The following CACNA1C variants were observed in gnomAD, a reference collection of about 807,000 sequenced individuals.
CACNA1C encodes the protein voltage-dependent L-type calcium channel subunit alpha-1C.
In CACNA1C, 30 loss-of-function variants were observed where a neutral mutation model predicts 229.0. The ratio of observed to expected loss-of-function variants is 0.13; its 90% confidence interval spans 0.10 to 0.18. CACNA1C has a LOEUF of 0.18. Among genes scored for constraint, CACNA1C ranks in the 10% least tolerant of loss-of-function variants. CACNA1C has a pLI of 1.00. For synonymous variants in CACNA1C, 1,114 were observed against 1,132.5 expected (o/e 0.98, Z 0.33); for missense variants, 1,658 against 2,845.0 (o/e 0.58, Z 9.49).
intron 22 of CACNA1C, among the ~76,000 whole-genome samples, chr12:2,604,857 A>C (rs1025513953): frequency 6.6e-6 from 1 of 152,138 alleles, no homozygotes; most frequent in African/African-American, 2.4e-5. Flanking sequence ...CATATTATTT[A>C]GTCACCCACA....
chr12:1,973,376 A>C (rs2033167559), intron 1 of CACNA1C, among the ~76,000 whole-genome samples: 1 of 152,222 alleles, frequency 6.6e-6, no homozygotes, highest in South Asian at 2.1e-4. Context: ...TAAATAAATT[A>C]ATGTTATTAG....
chr12:2,314,427 C>T (rs1034516911), intron 3 of CACNA1C, among the ~76,000 whole-genome samples: 7 of 152,166 alleles, frequency 4.6e-5, no homozygotes, highest in South Asian at 2.1e-4. Flanking sequence ...ATTCTCACCT[C>T]GTGCACACGG....
chr12:2,370,049 A>G (rs2097821766), intron 3 of CACNA1C, among the ~76,000 whole-genome samples: 1 of 152,230 alleles, frequency 6.6e-6, no homozygotes, highest in Admixed American at 6.5e-5. Flanking sequence ...CCATTAGAAA[A>G]TTTGGCAAAG....
chr12:2,537,039 C>T (rs2099857451), intron 9 of CACNA1C, among the ~76,000 whole-genome samples: 1 of 152,196 alleles, frequency 6.6e-6, no homozygotes, highest in Non-Finnish European at 1.5e-5. Flanking sequence ...ACGCTGCCTG[C>T]TGACTGCTTC....
At position 2,253,896 on chromosome 12, in the gene CACNA1C, G is replaced by A. The variant is rs1435200072; in HGVS notation, c.477+133466G>A. ...TCTGTCTCACATGCCTGATTTATGG[G>A]ATCACTGGAGAGAGAAAACTTTGAA... On this transcript the variant is annotated intron_variant, in intron 3 of 46. Transcript: ENST00000399655. Among the ~76,000 whole-genome samples the A allele has an allele frequency of 2.0e-5, 3 of 152,160 alleles. No individual in the cohort carries two copies. The East Asian group carries it at 5.8e-4, about 29-fold the overall frequency.
intron 18 of CACNA1C, among the ~76,000 whole-genome samples, chr12:2,586,242 A>G (rs2153233070): frequency 6.6e-6 from 1 of 152,258 alleles, no homozygotes; most frequent in South Asian, 2.1e-4. Flanking sequence ...ATATGTTGCA[A>G]CATTATGCTC....
intron 3 of CACNA1C, among the ~76,000 whole-genome samples, chr12:2,415,843 G>A (rs1386356392): frequency 1.3e-5 from 2 of 152,152 alleles, no homozygotes; most frequent in Admixed American, 6.5e-5. Context: ...TCCAAGTGTG[G>A]TCAACCTGCC....
rs144157195 is a variant in CACNA1C at position 2,179,919 on chromosome 12, A to G, written c.477+59489A>G. Among the ~76,000 whole-genome samples, 300 of 152,312 alleles carry G rather than the reference A, an allele frequency of 2.0e-3. 1 individual carries two copies. Among genetic ancestry groups the G allele is most frequent in the African/African-American group, 6.8e-3 (282 of 41,564 alleles). Reference sequence around the variant, plus strand: ...TCTACCATGCTCTTTCTCTGCTTCAAATGAAATTTTGATCATTTCTCTTCA... The same window carrying G: ...TCTACCATGCTCTTTCTCTGCTTCAGATGAAATTTTGATCATTTCTCTTCA... On this transcript the variant is annotated intron_variant, in intron 3 of 46. Coordinates refer to ENST00000399655, the MANE Select transcript of CACNA1C (RefSeq NM_000719.7).
Position 2,486,472 on chromosome 12 carries a change from C to G in CACNA1C, c.916+210C>G, listed in dbSNP as rs1012987867. Among the ~76,000 whole-genome samples, 6 of 152,224 alleles carry G rather than the reference C, an allele frequency of 3.9e-5. No homozygotes were observed. Among genetic ancestry groups the G allele is most frequent in the African/African-American group, 1.4e-4 (6 of 41,458 alleles). ...TTGTTTTAATCTCTGTTAAACCGGCCTAACGCAAACTTCGTTCAGCACTTT... is the reference window on the plus strand; with the variant it reads ...TTGTTTTAATCTCTGTTAAACCGGCGTAACGCAAACTTCGTTCAGCACTTT... On this transcript the variant is annotated intron_variant, in intron 6 of 46. Transcript: ENST00000399655. This position sits in a 1 kb window ranked among gnomAD's most constrained non-coding sequence, Gnocchi z 4.9.
rs751179685 is a variant in CACNA1C, at chr12:2,004,612, G to A, written c.139+33411G>A. Reference sequence around the variant, plus strand: ...AGACGCAAGGCCTCACTAATCGATGGCCGCGCCCCGCCCACTGAGGATCGT... The same window carrying A: ...AGACGCAAGGCCTCACTAATCGATGACCGCGCCCCGCCCACTGAGGATCGT... On this transcript the variant is annotated intron_variant, in intron 1 of 46. Coordinates refer to the CACNA1C transcript ENST00000682462. 835 of 812,732 alleles carry A rather than the reference G, an allele frequency of 1.0e-3. 1 individual carries two copies. Among genetic ancestry groups the A allele is most frequent in the Non-Finnish European group, 1.4e-3 (766 of 537,470 alleles). The allele number at this position is 812,732 out of a possible 1,614,324, so 50.3% of individuals were successfully genotyped here.
intron 29 of CACNA1C, among the ~76,000 whole-genome samples, chr12:2,623,194 A>G (rs895800131): frequency 6.6e-6 from 1 of 152,192 alleles, no homozygotes; most frequent in African/African-American, 2.4e-5. Context: ...GATGAAAGGA[A>G]AGTGGCTGTG....
rs1404975281 is a variant in CACNA1C at position 2,585,461 on chromosome 12, A to G, written c.2425A>G (p.Ile809Val). Reference sequence around the variant, plus strand: ...GGAGGAGAAGATTGAGCTGAAATCCATCACGGCTGACGGAGAGTCTCCACC... The same window carrying G: ...GGAGGAGAAGATTGAGCTGAAATCCGTCACGGCTGACGGAGAGTCTCCACC... ...SKEEKIELKS[I>V]TADGESPPAT... The change falls in exon 17 of 47, where the codon ATC (isoleucine) becomes GTC (valine). Residue 809 changes from isoleucine (I) to valine (V), a missense_variant. Ile to Val is a conservative substitution (Grantham distance 29, BLOSUM62 3). Transcript: ENST00000399655. This position sits in a 1 kb window ranked among gnomAD's most constrained non-coding sequence, Gnocchi z 4.1. 6.9e-6 allele frequency: 11 copies of G among 1,583,688 alleles called. No homozygotes were observed. The South Asian group carries it at 8.0e-5, about 12-fold the overall frequency.
chr12:2,526,308 C>A (rs1009226195), intron 9 of CACNA1C, among the ~76,000 whole-genome samples: 16 of 152,230 alleles, frequency 1.1e-4, no homozygotes, highest in African/African-American at 3.6e-4. Context: ...GGCCCAAAGA[C>A]AAGTGTCTGT....
At chr12:2,643,750 G>A (rs2094011506) in intron 30 of CACNA1C, among the ~76,000 whole-genome samples, 1 of 152,100 alleles carries the variant, frequency 6.6e-6, no homozygotes. Flanking sequence ...GCTGGCTCCT[G>A]GCCATGAAGT....
chr12:2,239,591 C>T (rs2068970890), intron 3 of CACNA1C, among the ~76,000 whole-genome samples: 1 of 152,170 alleles, frequency 6.6e-6, no homozygotes, highest in African/African-American at 2.4e-5. Context: ...TGTTCTAGCT[C>T]CCTTCCCTGT....
intron 11 of CACNA1C, among the ~76,000 whole-genome samples, chr12:2,563,346 A>G (rs1229529714): frequency 6.6e-6 from 1 of 152,216 alleles, no homozygotes; most frequent in Non-Finnish European, 1.5e-5. Flanking sequence ...ATAGGAGAAC[A>G]TAGGAGTGCA....
chr12:2,237,283 C>G (rs764715788), intron 3 of CACNA1C, among the ~76,000 whole-genome samples: 1 of 152,230 alleles, frequency 6.6e-6, no homozygotes, highest in Non-Finnish European at 1.5e-5. Flanking sequence ...CACACAGCAG[C>G]CTCCATTGCC....
At position 2,633,403 on chromosome 12, in the gene CACNA1C, T is replaced by TG. The variant is rs909187177; in HGVS notation, c.3829-889dup. ...GGGTAGGGTGGGTGGATCTGTAGGATGGGGGCCACGTGACCGAGGGAATGC... is the reference window on the plus strand; with the variant it reads ...GGGTAGGGTGGGTGGATCTGTAGGATGGGGGGCCACGTGACCGAGGGAATGC... On this transcript the variant is annotated intron_variant, in intron 29 of 46. Transcript: ENST00000399655. The surrounding 1 kb of genome is among the most constrained non-coding windows in gnomAD (Gnocchi z 5.8). 6.6e-6 allele frequency among the ~76,000 whole-genome samples: 1 copy of TG among 152,054 alleles called. No individual in the cohort carries two copies. The highest frequency in any genetic ancestry group is 6.6e-5 in the Admixed American group (1 of 15,266).
In CACNA1C at chr12:2,287,231, G is replaced by A. The variant is rs2092811955; in HGVS notation, c.478-161745G>A. ...TCCCAAGGAATATTCTAGAGGAAGG[G>A]TTTCTGGGAATGACCTTCCCAAGGG... On this transcript the variant is annotated intron_variant, in intron 3 of 46. Transcript: ENST00000399655. The surrounding 1 kb of genome is among the most constrained non-coding windows in gnomAD (Gnocchi z 4.6). 6.6e-6 allele frequency among the ~76,000 whole-genome samples: 1 copy of A among 152,206 alleles called. No individual in the cohort carries two copies. The highest frequency in any genetic ancestry group is 6.5e-5 in the Admixed American group (1 of 15,286).
Sources: gnomAD v4.1 joint callset for allele counts (sites outside exome capture counted in the v4.1 genomes callset) on GRCh38, gnomAD v4.1.1 for gene constraint, Gnocchi (gnomAD v3.1) non-coding constraint, MANE v1.5 for transcripts, NCBI Gene and HGNC (gene_info 2026-07-23, HGNC 2026-07-21) for gene names.